DACT2: variants seen among roughly 807,000 people sequenced by gnomAD.
The protein encoded by DACT2 is dishevelled binding antagonist of beta catenin 2.
DACT2 carries 20 observed loss-of-function variants against 22.2 expected under a neutral mutation model. That is an observed-to-expected ratio of 0.90 (90% CI 0.63 to 1.31). The LOEUF is 1.31. Among genes scored for constraint, DACT2 ranks in the 50% most tolerant of loss-of-function variants. The pLI, the probability that DACT2 is intolerant of heterozygous loss-of-function variation, is 0.00. For synonymous variants in DACT2, 463 were observed against 479.8 expected, an observed-to-expected ratio of 0.96 and a Z score of 0.46; for missense variants, 1,048 against 1,061.4, an observed-to-expected ratio of 0.99 and a Z score of 0.18.
chr6:168,301,314 A>G (rs979590915), intron 3 of DACT2, among the ~76,000 whole-genome samples: 4 of 152,136 alleles, frequency 2.6e-5, no homozygotes, highest in Non-Finnish European at 4.4e-5. Flanking sequence ...ATGTAATTAC[A>G]TTCTCCCCCT....
chr6:168,312,577 G>T (rs1427000858), intron 1 of DACT2, among the ~76,000 whole-genome samples: 2 of 152,164 alleles, frequency 1.3e-5, no homozygotes, highest in Admixed American at 1.3e-4. Context: ...ACTCTAAAGG[G>T]TTTATAATGA....
chr6:168,310,415 G>A lies in DACT2; in HGVS notation c.411C>T (p.Cys137=). The A allele has an allele frequency of 1.9e-6, 3 of 1,551,284 alleles. No homozygotes were observed. Among genetic ancestry groups the A allele is most frequent in the Non-Finnish European group, 2.6e-6 (3 of 1,146,828 alleles). The change falls in exon 3 of 4, where the codon TGC becomes TGT. Residue 137 remains cysteine, a synonymous_variant. Transcript: ENST00000366795. ...CGGAGGCACAGGACGTGGACAGGGAGCAGGATCCACCGTCGCTCATCTCGT... is the reference window on the plus strand; with the variant it reads ...CGGAGGCACAGGACGTGGACAGGGAACAGGATCCACCGTCGCTCATCTCGT... ...GFYEMSDGGS[C]SLSTSCASVC...
At chr6:168,305,222 G>C (rs1334434830), downstream of DACT2, among the ~76,000 whole-genome samples, 1 of 152,144 alleles carries the variant, frequency 6.6e-6, no homozygotes, top group Non-Finnish European at 1.5e-5. Flanking sequence ...ATTTTGTCTG[G>C]AGTCTGCATG....
chr6:168,305,326 TC>T (rs1779182522), downstream of DACT2, among the ~76,000 whole-genome samples: 1 of 151,956 alleles, frequency 6.6e-6, no homozygotes, highest in South Asian at 2.1e-4. Context: ...AAGCTGAATG[TC>T]TAGGAAACCA....
chr6:168,294,575 GTGTATATATATATATA>G, intron 4 of DACT2: 1 of 341,140 alleles, frequency 2.9e-6, no homozygotes, highest in Non-Finnish European at 4.2e-6. Flanking sequence ...GTGTGTGTGT[GTGTATATATATATATA>G]TATATATATA....
Position 168,309,031 on chromosome 6 carries a change from G to T in DACT2, c.726C>A (p.Leu242=). 6.5e-7 allele frequency: 1 copy of T among 1,545,986 alleles called. No individual in the cohort carries two copies. ...LQKASADAEL[L]GLLCQGVDIP... ...TATCCACCCCCTGGCAGAGGAGCCCGAGGAGCTCGGCGTCCGCGCTGGCTT... is the reference window on the plus strand; with the variant it reads ...TATCCACCCCCTGGCAGAGGAGCCCTAGGAGCTCGGCGTCCGCGCTGGCTT... Residue 242 remains leucine (L), a synonymous_variant, in exon 4 of 4, where the codon CTC becomes CTA. Coordinates refer to ENST00000366795, the MANE Select transcript of DACT2 (RefSeq NM_214462.5).
At chr6:168,311,116 TG>T in intron 2 of DACT2, 35 bp downstream of exon 2, 2 of 1,495,982 alleles carry the variant, frequency 1.3e-6, no homozygotes, top group Non-Finnish European at 8.9e-7. Flanking sequence ...GCTGCGTGCC[TG>T]CCCCTGTGTC....
chr6:168,311,506 A>C (rs988176212), intron 1 of DACT2, among the ~76,000 whole-genome samples: 2 of 148,342 alleles, frequency 1.3e-5, no homozygotes, highest in African/African-American at 5.2e-5. Context: ...CCCCCCACAC[A>C]CATACACACA....
At chr6:168,311,584 C>CTCACACACAAA (rs1562498529) in intron 1 of DACT2, among the ~76,000 whole-genome samples, 1 of 86,102 alleles carries the variant, frequency 1.2e-5, no homozygotes, top group African/African-American at 5.0e-5. Flanking sequence ...ACACACCCAT[C>CTCACACACAAA]CACACACACA....
chr6:168,295,103 A>T (rs1298260694), intron 3 of DACT2, among the ~76,000 whole-genome samples: 1 of 151,924 alleles, frequency 6.6e-6, no homozygotes, highest in Non-Finnish European at 1.5e-5. Flanking sequence ...GTTTGGAGCC[A>T]CTCCAACTGT....
rs559749558 is a variant in DACT2, at chr6:168,294,666, G to A, written c.697C>T (p.Pro233Ser). The A allele has an allele frequency of 9.5e-5, 142 of 1,495,656 alleles. 2 individuals are homozygous for A. In the African/African-American group the frequency reaches 1.7e-3, roughly 18 times the overall value. 92.6% of individuals were successfully genotyped at this position (1,495,656 alleles called of 1,614,324 possible). The change falls in exon 4 of 6, where the codon CCG (proline) becomes TCG (serine). Residue 233 changes from proline (P) to serine (S), a missense_variant. Physicochemically the swap from Pro to Ser is moderately conservative, Grantham distance 74. Coordinates refer to the DACT2 transcript ENST00000366796. ...GAACTGGAGGTGCAGCCTGCAGGCG[G>A]AGCATGCATGTCAAGTTCACCTGGA... is the stretch of plus-strand genomic sequence containing the variant.
At chr6:168,300,766 T>C (rs1300458722) in intron 3 of DACT2, among the ~76,000 whole-genome samples, 2 of 152,058 alleles carry the variant, frequency 1.3e-5, no homozygotes, top group Non-Finnish European at 2.9e-5. Context: ...GTGGGTGGAT[T>C]ACGAGGTCAG....
In DACT2 at chr6:168,307,698, T is replaced by C. The variant is rs1289780166; in HGVS notation, c.2059A>G (p.Ser687Gly). 1 of 1,550,520 alleles carries C rather than the reference T, an allele frequency of 6.4e-7. No homozygotes were observed. Among genetic ancestry groups the C allele is most frequent in the Admixed American group, 2.0e-5 (1 of 51,008 alleles). Residue 687 changes from serine to glycine, a missense_variant, in exon 4 of 4, where the codon AGT (serine) becomes GGT (glycine). Ser to Gly is a moderately conservative substitution (Grantham distance 56). Coordinates refer to ENST00000366795, the MANE Select transcript of DACT2 (RefSeq NM_214462.5). The surrounding 1 kb of genome is among the most constrained non-coding windows in gnomAD (Gnocchi z 5.3). ...CCGAATCGGTTGGTGGTGTGGTCAC[T>C]GGACTCTCCCTCGCTGGTCTCCGGG... ...VIPETSEGESSDHTTNRFGDR... is the reference protein window; with the variant it reads ...VIPETSEGESGDHTTNRFGDR...
At chr6:168,306,051 C>T (rs1442107711), downstream of DACT2, among the ~76,000 whole-genome samples, 1 of 152,204 alleles carries the variant, frequency 6.6e-6, no homozygotes, top group Non-Finnish European at 1.5e-5. Context: ...CCTCCCCTCA[C>T]CTACGCTTTG....
chr6:168,294,601 A>C, intron 4 of DACT2: 1 of 829,088 alleles, frequency 1.2e-6, no homozygotes, highest in Non-Finnish European at 1.7e-6. Context: ...ATATATATAT[A>C]TACACATATA....
chr6:168,301,334 C>G (rs1779100260), intron 3 of DACT2, among the ~76,000 whole-genome samples: 2 of 152,224 alleles, frequency 1.3e-5, no homozygotes, highest in African/African-American at 4.8e-5. Context: ...TACACCTCTG[C>G]TTCTGAGGAA....
intron 2 of DACT2, among the ~76,000 whole-genome samples, chr6:168,310,680 C>T (rs879519459): frequency 1.3e-5 from 2 of 152,220 alleles, no homozygotes; most frequent in Non-Finnish European, 2.9e-5. Context: ...ACTCCACCTG[C>T]ACTCTGCAGC....
chr6:168,305,578 A>G (rs1335260484), downstream of DACT2, among the ~76,000 whole-genome samples: 1 of 150,218 alleles, frequency 6.7e-6, no homozygotes, highest in African/African-American at 2.5e-5. Context: ...GTGTGACTCA[A>G]TGGAACTTCC....
chr6:168,305,457 T>C (rs192502667), downstream of DACT2, among the ~76,000 whole-genome samples: 2 of 152,320 alleles, frequency 1.3e-5, no homozygotes, highest in East Asian at 3.9e-4. Context: ...GAGTCGGAGC[T>C]GCCTAGAGTT....
Sources: allele counts gnomAD v4.1 joint callset (sites outside exome capture counted in the v4.1 genomes callset), GRCh38; gene constraint gnomAD v4.1.1; non-coding constraint Gnocchi (gnomAD v3.1); transcripts MANE v1.5; gene names NCBI Gene and HGNC (gene_info 2026-07-23, HGNC 2026-07-21).